Variants in SYNPR observed in about 807,000 individuals in gnomAD.
The protein encoded by SYNPR is synaptoporin.
SYNPR carries 23 observed loss-of-function variants against 32.9 expected under a neutral mutation model. That is an observed-to-expected ratio of 0.70 (90% CI 0.50 to 0.99). SYNPR has a LOEUF of 0.99. Ranked by LOEUF, SYNPR falls within the 50% of genes least tolerant of loss-of-function variation. SYNPR has a pLI of 0.00. For missense variants in SYNPR, 318 were observed against 349.3 expected, an observed-to-expected ratio of 0.91 and a Z score of 0.71; for synonymous variants, 146 against 135.9, an observed-to-expected ratio of 1.07 and a Z score of -0.52.
At chr3:63,312,359 C>G (rs1404118346) in intron 2 of SYNPR, among the ~76,000 whole-genome samples, 2 of 151,994 alleles carry the variant, frequency 1.3e-5, no homozygotes, top group Non-Finnish European at 2.9e-5. Flanking sequence ...CAGCCTCCTA[C>G]CAGTTGGGAC....
intron 2 of SYNPR, among the ~76,000 whole-genome samples, chr3:63,264,676 A>G (rs1054005876): frequency 6.6e-5 from 10 of 152,190 alleles, no homozygotes; most frequent in Admixed American, 5.9e-4. Context: ...TGCTATGAGG[A>G]AATACCCCAG....
chr3:63,299,769 G>C (rs898347212), intron 2 of SYNPR, among the ~76,000 whole-genome samples: 2 of 152,240 alleles, frequency 1.3e-5, no homozygotes, highest in African/African-American at 4.8e-5. Flanking sequence ...AATTTTGTAA[G>C]GAAATGTGGT....
intron 2 of SYNPR, among the ~76,000 whole-genome samples, chr3:63,410,816 G>A (rs561053171): frequency 6.6e-6 from 1 of 152,138 alleles, no homozygotes; most frequent in Non-Finnish European, 1.5e-5. Context: ...GTGAGGGGCA[G>A]CAGAAGCCCC....
At chr3:63,364,115 T>G (rs1470324660) in intron 2 of SYNPR, among the ~76,000 whole-genome samples, 2 of 152,168 alleles carry the variant, frequency 1.3e-5, no homozygotes, top group East Asian at 3.9e-4. Context: ...TGTTTTCTAT[T>G]TATCCTGTCA....
the SYNPR span, among the ~76,000 whole-genome samples, chr3:63,209,262 G>C: frequency 7.1e-6 from 1 of 141,096 alleles, no homozygotes; most frequent in African/African-American, 2.6e-5. Flanking sequence ...AGCCTGCAGC[G>C]AGCAGAGATC....
Position 63,342,400 on chromosome 3 carries a change from G to A in SYNPR, c.84+63658G>A, listed in dbSNP as rs760835640. On this transcript the variant is annotated intron_variant, in intron 2 of 5. Coordinates refer to ENST00000478300, the MANE Select transcript of SYNPR (RefSeq NM_001130003.2). ...TCATATGATTTTCTTTCTGTAGTCC[G>A]TTGATGTGATGGGTTACATTGATCG... Among the ~76,000 whole-genome samples the A allele has an allele frequency of 3.9e-5, 6 of 152,076 alleles. No individual in the cohort carries two copies. The East Asian group carries it at 5.8e-4, about 15-fold the overall frequency.
At chr3:63,507,473 A>T (rs1701611376) in intron 3 of SYNPR, among the ~76,000 whole-genome samples, 1 of 152,212 alleles carries the variant, frequency 6.6e-6, no homozygotes, top group South Asian at 2.1e-4. Flanking sequence ...CGTGTAAGTA[A>T]CATTCTGTGA....
At chr3:63,413,003 T>C (rs1201643313) in intron 2 of SYNPR, among the ~76,000 whole-genome samples, 2 of 152,170 alleles carry the variant, frequency 1.3e-5, no homozygotes, top group African/African-American at 4.8e-5. Context: ...ATTGGTGCCT[T>C]CAGGGTTCCA....
At chr3:63,425,255 G>T (rs1212679398) in intron 2 of SYNPR, among the ~76,000 whole-genome samples, 2 of 152,156 alleles carry the variant, frequency 1.3e-5, no homozygotes, top group South Asian at 2.1e-4. Context: ...AGAAAACACT[G>T]TAAGGATAAA....
chr3:63,251,637 T>C (rs952562374), intron 1 of SYNPR, among the ~76,000 whole-genome samples: 5 of 152,118 alleles, frequency 3.3e-5, no homozygotes, highest in African/African-American at 4.8e-5. Context: ...GAGAGCAACG[T>C]AGACATATCA....
At chr3:63,426,961 G>C (rs997835827) in intron 2 of SYNPR, among the ~76,000 whole-genome samples, 4 of 152,014 alleles carry the variant, frequency 2.6e-5, no homozygotes, top group African/African-American at 9.7e-5. Context: ...CTAAAACTAT[G>C]TCGAGCCTTG....
intron 4 of SYNPR, among the ~76,000 whole-genome samples, chr3:63,577,259 A>C (rs2106855052): frequency 6.6e-6 from 1 of 152,322 alleles, no homozygotes; most frequent in South Asian, 2.1e-4. Flanking sequence ...AAATCTTCCT[A>C]ATTGAATTCA....
the SYNPR span, among the ~76,000 whole-genome samples, chr3:63,220,378 C>T: frequency 6.6e-6 from 1 of 152,132 alleles, no homozygotes; most frequent in Non-Finnish European, 1.5e-5. Context: ...TGGTTAATAA[C>T]TGATAGGCTG....
chr3:63,376,853 C>A (rs1392691971), intron 2 of SYNPR, among the ~76,000 whole-genome samples: 1 of 151,840 alleles, frequency 6.6e-6, no homozygotes, highest in African/African-American at 2.4e-5. Flanking sequence ...TGACTCTTTC[C>A]CCCACTAAAA....
chr3:63,401,243 C>G (rs530313816), intron 2 of SYNPR, among the ~76,000 whole-genome samples: 1 of 152,086 alleles, frequency 6.6e-6, no homozygotes, highest in Admixed American at 6.5e-5. Flanking sequence ...AAGTAAGTAC[C>G]CAAAAGGATA....
At chr3:63,403,316 T>A (rs1323126515) in intron 2 of SYNPR, among the ~76,000 whole-genome samples, 1 of 151,850 alleles carries the variant, frequency 6.6e-6, no homozygotes, top group Non-Finnish European at 1.5e-5. Context: ...AATAATAGAG[T>A]CCACGAAGCC....
chr3:63,287,766 A>G (rs953473287), intron 2 of SYNPR, among the ~76,000 whole-genome samples: 1 of 152,228 alleles, frequency 6.6e-6, no homozygotes, highest in African/African-American at 2.4e-5. Context: ...GGAATTGTGA[A>G]GCTTTCCCTG....
chr3:63,452,017 G>A, intron 2 of SYNPR: 1 of 697,408 alleles, frequency 1.4e-6, no homozygotes, highest in Non-Finnish European at 2.6e-6. Context: ...TCCTCCCCCA[G>A]ACCAGTTCCC....
chr3:63,202,901 T>C, the SYNPR span, among the ~76,000 whole-genome samples: 3 of 151,988 alleles, frequency 2.0e-5, no homozygotes, highest in African/African-American at 7.2e-5. Flanking sequence ...TGGAACACAG[T>C]TTGGGAAACT....
Sources: gnomAD v4.1 joint callset for allele counts (sites outside exome capture counted in the v4.1 genomes callset) on GRCh38, gnomAD v4.1.1 for gene constraint, MANE v1.5 for transcripts, NCBI Gene and HGNC (gene_info 2026-07-23, HGNC 2026-07-21) for gene names.